The following MUTYH variants were observed in gnomAD, a reference collection of about 807,000 sequenced individuals.
MUTYH encodes the protein adenine DNA glycosylase.
MUTYH carries 64 observed loss-of-function variants against 72.9 expected under a neutral mutation model. The ratio of observed to expected loss-of-function variants is 0.88; its 90% CI spans 0.72 to 1.08. The LOEUF (loss-of-function observed/expected upper bound fraction) is 1.08. Among genes scored for constraint, MUTYH ranks in the 50% least tolerant of loss-of-function variants. The pLI, the probability that MUTYH is intolerant of heterozygous loss-of-function variation, is 0.00. For synonymous variants in MUTYH, 234 were observed against 263.1 expected, an observed-to-expected ratio of 0.89 and a Z score of 1.07; for missense variants, 633 against 671.0, an observed-to-expected ratio of 0.94 and a Z score of 0.63.
chr1:45,329,408 C>T lies in MUTYH; in HGVS notation c.1464G>A (p.Pro488=), dbSNP rs143796254. ...CCATGCGGGGCTTTTTCCGACTGCA[C>T]GGAGAGGACACCTGGGACCTTTTGG... ...MGSKRSQVSS[P]CSRKKPRMGQ... Residue 488 remains proline, a synonymous_variant, in exon 16 of 16, where the codon CCG becomes CCA. Coordinates refer to ENST00000456914, the MANE Select transcript of MUTYH (RefSeq NM_001048174.2). The T allele has an allele frequency of 2.4e-4, 387 of 1,614,006 alleles. No homozygotes were observed. The highest frequency in any genetic ancestry group is 3.1e-4 in the Non-Finnish European group (360 of 1,179,988).
At chr1:45,339,820 C>G (rs1011974836) in intron 1 of MUTYH, 79 bp downstream of exon 1, 34 of 1,313,442 alleles carry the variant, frequency 2.6e-5, no homozygotes, top group Non-Finnish European at 3.2e-5. Flanking sequence ...AGTCTAACTC[C>G]TGGGCGTGCT....
chr1:45,330,856 G>A (rs561978664), intron 14 of MUTYH, among the ~76,000 whole-genome samples: 13 of 152,068 alleles, frequency 8.5e-5, no homozygotes, highest in South Asian at 6.3e-4. Flanking sequence ...AGGCTGAGGC[G>A]GGCGGATCAC....
At chr1:45,331,992 G>T in intron 11 of MUTYH, 31 bp downstream of exon 11, 3 of 1,614,136 alleles carry the variant, frequency 1.9e-6, no homozygotes, top group Non-Finnish European at 2.5e-6. Flanking sequence ...GGCCAGGAAG[G>T]GTTGGGGTGG....
At chr1:45,334,023 T>A (rs898402433) in intron 2 of MUTYH, 2 of 374,420 alleles carry the variant, frequency 5.3e-6, no homozygotes, top group Non-Finnish European at 1.0e-5. Context: ...TCTTTTGTTT[T>A]GAGACAAGAG....
chr1:45,338,452 C>A, intron 1 of MUTYH: 1 of 388,850 alleles, frequency 2.6e-6, no homozygotes, highest in Non-Finnish European at 5.0e-6. Flanking sequence ...CTGAAATGTC[C>A]AAATCAGGTC....
chr1:45,330,382 G>A (rs1644587769), intron 15 of MUTYH, 134 bp downstream of exon 15: 1 of 1,068,300 alleles, frequency 9.4e-7, no homozygotes, highest in South Asian at 1.4e-5. Flanking sequence ...AAGGTCTCCA[G>A]GTCAAGAACT....
chr1:45,339,419 G>A (rs1405652248), intron 1 of MUTYH, among the ~76,000 whole-genome samples: 1 of 150,972 alleles, frequency 6.6e-6, no homozygotes, highest in South Asian at 2.1e-4. Flanking sequence ...TCACCATGTT[G>A]GCCAGGCTGG....
chr1:45,332,966 C>T lies in MUTYH; in HGVS notation c.379-7G>A, dbSNP rs1553129378. ...CCTGCAGTGTAGGCCACTTCTATAG[C>T]CACAGGCAGGCAGAAAGAGACAAGG... is the stretch of plus-strand genomic sequence containing the variant. On this transcript the variant is annotated splice_region_variant and splice_polypyrimidine_tract_variant and intron_variant, in intron 5 of 15. Coordinates refer to ENST00000456914, the MANE Select transcript of MUTYH (RefSeq NM_001048174.2). 6.2e-7 allele frequency: 1 copy of T among 1,614,104 alleles called. No homozygotes were observed. Among genetic ancestry groups the T allele is most frequent in the Non-Finnish European group, 8.5e-7 (1 of 1,180,012 alleles).
rs1205029214 is a variant in MUTYH at position 45,331,469 on chromosome 1, T to C, written c.1190A>G (p.Gln397Arg). 1 of 1,614,188 alleles carries C rather than the reference T, an allele frequency of 6.2e-7. No homozygotes were observed. ...GGCTGGGAGGGGCCCAGCCCAACGCTGTAGTTCCTGCAGCAGGGCCTTGCG... is the reference window on the plus strand; with the variant it reads ...GGCTGGGAGGGGCCCAGCCCAACGCCGTAGTTCCTGCAGCAGGGCCTTGCG... ...LQRKALLQEL[Q>R]RWAGPLPATH... The change falls in exon 13 of 16, where the codon CAG (glutamine) becomes CGG (arginine). Residue 397 changes from glutamine to arginine, a missense_variant. Coordinates refer to ENST00000456914, the MANE Select transcript of MUTYH (RefSeq NM_001048174.2).
At chr1:45,337,534 TTTTC>T (rs768142546) in intron 1 of MUTYH, among the ~76,000 whole-genome samples, 42 of 152,224 alleles carry the variant, frequency 2.8e-4, no homozygotes, top group Admixed American at 1.8e-3. Flanking sequence ...CTTTTTTCCT[TTTTC>T]TTTCTTTTTT....
At chr1:45,330,752 C>G (rs1644669766) in intron 14 of MUTYH, among the ~76,000 whole-genome samples, 195 bp from the exon 15 acceptor site, 1 of 151,926 alleles carries the variant, frequency 6.6e-6, no homozygotes, top group Non-Finnish European at 1.5e-5. Flanking sequence ...GAGTTTGAGA[C>G]CAGCCTGGCC....
chr1:45,334,329 C>T, intron 2 of MUTYH, 62 bp downstream of exon 2: 1 of 1,609,796 alleles, frequency 6.2e-7, no homozygotes, highest in South Asian at 1.1e-5. Context: ...ATCACAATCC[C>T]TTCCCAGCCT....
At chr1:45,331,596 T>C in intron 12 of MUTYH, 40 bp from the exon 13 acceptor site, 1 of 1,613,436 alleles carries the variant, frequency 6.2e-7, no homozygotes. Flanking sequence ...AGGCCTCAGC[T>C]GCCGATTCCC....
chr1:45,334,043 GT>G, intron 2 of MUTYH: 2 of 383,736 alleles, frequency 5.2e-6, no homozygotes, highest in South Asian at 4.4e-5. Flanking sequence ...GTCTGGCTCT[GT>G]TGCCCAGACT....
At chr1:45,334,765 C>T (rs1645631123) in intron 1 of MUTYH, among the ~76,000 whole-genome samples, 1 of 152,166 alleles carries the variant, frequency 6.6e-6, no homozygotes, top group South Asian at 2.1e-4. Flanking sequence ...GAGGCCAGGG[C>T]TGGGATGGGT....
chr1:45,340,261 C>T, upstream of MUTYH: 1 of 1,613,792 alleles, frequency 6.2e-7, no homozygotes, highest in Non-Finnish European at 8.5e-7. Context: ...TCATGGCCGC[C>T]GACAGTGACG....
In MUTYH at chr1:45,333,334, C is replaced by G. The variant is rs1298449547; in HGVS notation, c.265-10G>C. The G allele has an allele frequency of 6.2e-7, 1 of 1,614,260 alleles. No homozygotes were observed. ...CCATCTCATCTTCTGCCTGTCAATG[C>G]AACCCCAGATGAGGAGTTAGGGTGG... is the stretch of plus-strand genomic sequence containing the variant. On this transcript the variant is annotated splice_polypyrimidine_tract_variant and intron_variant, in intron 3 of 15. Transcript: ENST00000456914.
At position 45,334,378 on chromosome 1, in the gene MUTYH, C is replaced by T. The variant is rs755715694; in HGVS notation, c.115+13G>A. On this transcript the variant is annotated intron_variant, in intron 2 of 15. Coordinates refer to ENST00000456914, the MANE Select transcript of MUTYH (RefSeq NM_001048174.2). ...ATGGCCAATGAGCCTTGGGCCACAA[C>T]CTAGTTCCTTACCATCACAGGCAGA... The T allele has an allele frequency of 6.8e-6, 11 of 1,613,842 alleles. No individual in the cohort carries two copies. In the South Asian group the frequency reaches 1.2e-4, roughly 18 times the overall value.
rs762573043 is a variant in MUTYH at position 45,332,757 on chromosome 1, C to A, written c.492+6G>T. 1 of 1,614,198 alleles carries A rather than the reference C, an allele frequency of 6.2e-7. No homozygotes were observed. Among genetic ancestry groups the A allele is most frequent in the African/African-American group, 1.3e-5 (1 of 75,054 alleles). ...CTGGGTTCCTACCCTCCTGCCATCC[C>A]CTTACCTTCCGAGCTCCCTCCTGCA... On this transcript the variant is annotated splice_donor_region_variant and intron_variant, in intron 7 of 15. Coordinates refer to ENST00000456914, the MANE Select transcript of MUTYH (RefSeq NM_001048174.2).
Sources: gnomAD v4.1 joint callset for allele counts (sites outside exome capture counted in the v4.1 genomes callset) on GRCh38, gnomAD v4.1.1 for gene constraint, MANE v1.5 for transcripts, NCBI Gene and HGNC (gene_info 2026-07-23, HGNC 2026-07-21) for gene names.